KCNIP4: variants seen among roughly 807,000 people sequenced by gnomAD.
The protein encoded by KCNIP4 is potassium voltage-gated channel interacting protein 4.
In KCNIP4, 12 loss-of-function variants were observed where a neutral mutation model predicts 34.0. That is an observed-to-expected ratio of 0.35 (90% CI 0.23 to 0.57). The LOEUF (loss-of-function observed/expected upper bound fraction) is 0.57. KCNIP4 is among the 20% of genes least tolerant of loss of function. KCNIP4 has a pLI of 0.83. For synonymous variants in KCNIP4, 124 were observed against 102.2 expected, an observed-to-expected ratio of 1.21 and a Z score of -1.29; for missense variants, 238 against 311.7, an observed-to-expected ratio of 0.76 and a Z score of 1.78.
At chr4:21,535,418 A>G (rs1737072331) in intron 1 of KCNIP4, among the ~76,000 whole-genome samples, 1 of 152,184 alleles carries the variant, frequency 6.6e-6, no homozygotes, top group African/African-American at 2.4e-5. Flanking sequence ...CTTCCCGGTA[A>G]GACTCAAGGT....
chr4:21,309,798 A>G (rs2109269349), intron 1 of KCNIP4, among the ~76,000 whole-genome samples: 1 of 152,332 alleles, frequency 6.6e-6, no homozygotes, highest in East Asian at 1.9e-4. Flanking sequence ...AAAACACCTG[A>G]AATTCAAAGC....
chr4:21,158,819 C>T (rs958263), intron 1 of KCNIP4, among the ~76,000 whole-genome samples: 99,964 of 151,962 alleles, frequency 0.66, 33,448 homozygotes, highest in African/African-American at 0.78. Flanking sequence ...CAGTATTGAG[C>T]ATGAAGAAGA....
intron 1 of KCNIP4, among the ~76,000 whole-genome samples, chr4:21,228,463 TC>T (rs1226707298): frequency 6.6e-6 from 1 of 152,140 alleles, no homozygotes; most frequent in Non-Finnish European, 1.5e-5. Context: ...CTCAGGTAGT[TC>T]TTTATAGCAG....
chr4:21,590,572 G>C (rs1208683323), intron 1 of KCNIP4, among the ~76,000 whole-genome samples: 1 of 151,734 alleles, frequency 6.6e-6, no homozygotes, highest in African/African-American at 2.4e-5. Flanking sequence ...TGAATGAAGG[G>C]AGGAAGAAAA....
chr4:21,377,155 C>A (rs1721034851), intron 1 of KCNIP4, among the ~76,000 whole-genome samples: 1 of 152,134 alleles, frequency 6.6e-6, no homozygotes, highest in Admixed American at 6.5e-5. Context: ...CTTTCCATTA[C>A]TAAATAAATT....
intron 1 of KCNIP4, among the ~76,000 whole-genome samples, chr4:21,935,281 C>T (rs992749904): frequency 1.3e-4 from 20 of 152,088 alleles, no homozygotes; most frequent in Non-Finnish European, 2.4e-4. Context: ...ACTCTCCCTT[C>T]TTTAATCTTT....
chr4:20,943,318 C>G (rs1731844541), intron 1 of KCNIP4, among the ~76,000 whole-genome samples: 1 of 152,148 alleles, frequency 6.6e-6, no homozygotes, highest in Admixed American at 6.5e-5. Context: ...AGTGTGCATG[C>G]CAACCAGTTT....
At chr4:20,818,920 C>CTTTTTTTTT (rs11382765) in intron 3 of KCNIP4, among the ~76,000 whole-genome samples, 5 of 104,954 alleles carry the variant, frequency 4.8e-5, no homozygotes, top group Admixed American at 1.1e-4. Flanking sequence ...TATATTATCT[C>CTTTTTTTTT]TTTTTTTTTT....
At chr4:21,754,172 G>A (rs889818158) in intron 1 of KCNIP4, among the ~76,000 whole-genome samples, 8 of 151,970 alleles carry the variant, frequency 5.3e-5, no homozygotes, top group Admixed American at 3.3e-4. Flanking sequence ...TTCTTAATTC[G>A]CTCAATAAAA....
At chr4:21,634,928 T>C (rs1043234212) in intron 1 of KCNIP4, among the ~76,000 whole-genome samples, 6 of 152,164 alleles carry the variant, frequency 3.9e-5, no homozygotes, top group Non-Finnish European at 8.8e-5. Flanking sequence ...TGCACTGTAT[T>C]TAAAAATATA....
intron 1 of KCNIP4, among the ~76,000 whole-genome samples, chr4:21,859,288 C>T (rs547847629): frequency 4.6e-5 from 7 of 152,234 alleles, no homozygotes; most frequent in South Asian, 2.1e-4. Context: ...CCCTTCATCG[C>T]TGTCCTGCTA....
chr4:21,842,000 C>A (rs1025665069), intron 1 of KCNIP4, among the ~76,000 whole-genome samples: 1 of 152,110 alleles, frequency 6.6e-6, no homozygotes, highest in Admixed American at 6.6e-5. Context: ...TTTTTAGGAA[C>A]CCTTCCCTCA....
intron 1 of KCNIP4, among the ~76,000 whole-genome samples, chr4:21,792,397 A>G (rs2109236158): frequency 6.6e-6 from 1 of 152,334 alleles, no homozygotes; most frequent in East Asian, 1.9e-4. Flanking sequence ...TGGCATATAT[A>G]GATTTTGAAG....
intron 1 of KCNIP4, among the ~76,000 whole-genome samples, chr4:21,353,719 A>C (rs1010810480): frequency 5.9e-5 from 9 of 152,190 alleles, no homozygotes; most frequent in Admixed American, 6.5e-5. Flanking sequence ...GTGTGAAAAC[A>C]CTCTTCAGGA....
chr4:21,471,983 G>A (rs1324115109), intron 1 of KCNIP4, among the ~76,000 whole-genome samples: 2 of 152,126 alleles, frequency 1.3e-5, no homozygotes, highest in East Asian at 1.9e-4. Flanking sequence ...TTCATGAACT[G>A]AAATGTATCT....
At chr4:20,836,871 C>CT (rs34416477) in intron 3 of KCNIP4, among the ~76,000 whole-genome samples, 2,956 of 148,576 alleles carry the variant, frequency 0.02, 73 homozygotes, top group African/African-American at 0.058. Flanking sequence ...AGAGTTCTCT[C>CT]TTTTTTTTTT....
chr4:21,418,737 C>T (rs1725183353), intron 1 of KCNIP4, among the ~76,000 whole-genome samples: 1 of 152,156 alleles, frequency 6.6e-6, no homozygotes, highest in South Asian at 2.1e-4. Context: ...AAGCTCTCTG[C>T]CTTTACACTT....
chr4:21,337,885 T>C (rs16870860), intron 1 of KCNIP4, among the ~76,000 whole-genome samples: 5,071 of 152,230 alleles, frequency 0.033, 215 homozygotes, highest in East Asian at 0.19. Flanking sequence ...CTACATGTAA[T>C]AAAATACCTA....
chr4:21,534,760 C>T (rs1167223036), intron 1 of KCNIP4, among the ~76,000 whole-genome samples: 1 of 152,124 alleles, frequency 6.6e-6, no homozygotes, highest in Admixed American at 6.5e-5. Context: ...CCCAGGAGAA[C>T]CACGAGCCCA....
Sources: allele counts gnomAD v4.1 joint callset (sites outside exome capture counted in the v4.1 genomes callset), GRCh38; gene constraint gnomAD v4.1.1; transcripts MANE v1.5; gene names NCBI Gene and HGNC (gene_info 2026-07-23, HGNC 2026-07-21).